ADH4: variants seen among roughly 807,000 people sequenced by gnomAD.
ADH4 encodes all-trans-retinol dehydrogenase [NAD(+)] ADH4.
In ADH4, 31 loss-of-function variants were observed where a neutral mutation model predicts 35.2. The observed-to-expected ratio is 0.88, with a 90% CI of 0.66 to 1.19. The LOEUF (loss-of-function observed/expected upper bound fraction) is 1.19, where lower values mean the gene tolerates loss of function less well. Among genes scored for constraint, ADH4 ranks in the 50% most tolerant of loss-of-function variants. The pLI, the probability that ADH4 is intolerant of heterozygous loss-of-function variation, is 0.00. For missense variants in ADH4, 476 were observed against 458.3 expected (o/e 1.04, Z -0.35); for synonymous variants, 171 against 160.2 (o/e 1.07, Z -0.51).
chr4:99,132,282 A>G (rs1729305202), intron 5 of ADH4, among the ~76,000 whole-genome samples: 1 of 152,168 alleles, frequency 6.6e-6, no homozygotes, highest in Non-Finnish European at 1.5e-5. Flanking sequence ...TGATATTCCC[A>G]GTACAAGAAC....
intron 2 of ADH4, among the ~76,000 whole-genome samples, chr4:99,142,268 C>T (rs182085255): frequency 1.2e-3 from 183 of 152,314 alleles, no homozygotes; most frequent in African/African-American, 4.3e-3. Context: ...TCTGGATACC[C>T]AGGACCCTTC....
In ADH4 at chr4:99,128,606, AAAT is replaced by A. The variant is rs550513515; in HGVS notation, c.844-1265_844-1263del. Among the ~76,000 whole-genome samples the A allele has an allele frequency of 2.6e-3, 403 of 152,302 alleles. 5 individuals carry two copies. The highest frequency in any genetic ancestry group is 2.3e-3 in the Non-Finnish European group (158 of 68,018). On this transcript the variant is annotated intron_variant, in intron 6 of 8. Transcript: ENST00000265512. ...TAAAATCTGAAAATTATTTTAAATT[AAAT>A]AATAAATGCTGGATATGTGAGTCAT...
In ADH4 at chr4:99,142,681, G is replaced by T; in HGVS notation, c.118C>A (p.Gln40Lys). ...ACCCAAGGAAAGTCTCCACTTACCT[G>T]AATGCGAACTTCATGAGCCTTGGGG... ...APPKAHEVRI[Q>K]IIATSLCHTD... The change falls in exon 2 of 9, where the codon CAG becomes AAG. Residue 40 changes from glutamine to lysine, a missense_variant and splice_region_variant. Coordinates refer to ENST00000265512, the MANE Select transcript of ADH4 (RefSeq NM_000670.5). The T allele has an allele frequency of 1.3e-6, 2 of 1,570,048 alleles. No individual in the cohort carries two copies. Among genetic ancestry groups the T allele is most frequent in the Non-Finnish European group, 1.7e-6 (2 of 1,162,476 alleles).
At chr4:99,134,591 A>G (rs1402214200) in intron 5 of ADH4, among the ~76,000 whole-genome samples, 2 of 152,058 alleles carry the variant, frequency 1.3e-5, no homozygotes, top group South Asian at 2.1e-4. Context: ...CTCTAGCGCC[A>G]TACAGCAGAA....
Position 99,123,737 on chromosome 4 carries a change from T to G in ADH4, c.*705A>C, listed in dbSNP as rs1201113181. 6.6e-6 allele frequency: 1 copy of G among 152,126 alleles called. No individual in the cohort carries two copies. Among genetic ancestry groups the G allele is most frequent in the African/African-American group, 2.4e-5 (1 of 41,420 alleles). The allele number at this position is 152,126 out of a possible 1,614,324, so 9.4% of individuals were successfully genotyped here. ...CTTTTAGTCATATTAAAATATACAA[T>G]TAAATTGCTGTTGACTATAGTCTCC... On this transcript the variant is annotated 3_prime_UTR_variant, in exon 9 of 9. Coordinates refer to ENST00000265512, the MANE Select transcript of ADH4 (RefSeq NM_000670.5).
chr4:99,134,700 A>T (rs1729383830), intron 5 of ADH4, among the ~76,000 whole-genome samples: 1 of 151,884 alleles, frequency 6.6e-6, no homozygotes, highest in African/African-American at 2.4e-5. Context: ...AATTTTTTAA[A>T]TTTTTTATTA....
At chr4:99,137,588 T>C (rs955606250) in intron 4 of ADH4, among the ~76,000 whole-genome samples, 5 of 152,312 alleles carry the variant, frequency 3.3e-5, no homozygotes, top group African/African-American at 1.2e-4. Context: ...TTGAATGCTT[T>C]TGTGTACCAG....
chr4:99,131,421 T>C, intron 6 of ADH4, 83 bp downstream of exon 6: 1 of 1,453,774 alleles, frequency 6.9e-7, no homozygotes, highest in Non-Finnish European at 9.3e-7. Context: ...CTAAGTACCA[T>C]AATAAACATA....
At position 99,144,231 on chromosome 4, in the gene ADH4, G is replaced by A; in HGVS notation, c.-9C>T. On this transcript the variant is annotated 5_prime_UTR_variant, in exon 1 of 9. Coordinates refer to ENST00000265512, the MANE Select transcript of ADH4 (RefSeq NM_000670.5). The stretch of plus-strand genomic sequence containing the variant: ...TTGCCCTTGGTGCCCATTTTTCTTT[G>A]GGAAACTGTGTTGGAAGTTTCTTTC... 6.2e-7 allele frequency: 1 copy of A among 1,613,106 alleles called. No homozygotes were observed. Among genetic ancestry groups the A allele is most frequent in the South Asian group, 1.1e-5 (1 of 91,052 alleles).
chr4:99,141,452 T>C (rs1279101824), intron 3 of ADH4, 89 bp downstream of exon 3: 87 of 1,294,556 alleles, frequency 6.7e-5, no homozygotes, highest in Non-Finnish European at 2.0e-5. Flanking sequence ...TAAATAGAGA[T>C]CAATTATAGC....
rs768337448 is a variant in ADH4, at chr4:99,127,251, C to G, written c.937G>C (p.Glu313Gln). The G allele has an allele frequency of 6.2e-7, 1 of 1,611,430 alleles. No individual in the cohort carries two copies. Among genetic ancestry groups the G allele is most frequent in the South Asian group, 1.1e-5 (1 of 90,738 alleles). Residue 313 changes from glutamate to glutamine, a missense_variant, in exon 7 of 9, where the codon GAG becomes CAG. Coordinates refer to ENST00000265512, the MANE Select transcript of ADH4 (RefSeq NM_000670.5). ...GSKGLTIFPE[E>Q]LIIGRTINGT... is the part of the protein sequence containing the mutation. ...TTTATAGTACGGCCGATTATTAGCT[C>G]CTCTGGAAAAATAGTCAATCCTTTG...
rs909492846 is a variant in ADH4 at position 99,143,130 on chromosome 4, T to G, written c.19-350A>C. ...ATAAGGTAGATGGCCTATAAAAATC[T>G]ATTGAGTGAACTGTTTGAAATCACC... On this transcript the variant is annotated intron_variant, in intron 1 of 8. Coordinates refer to ENST00000265512, the MANE Select transcript of ADH4 (RefSeq NM_000670.5). 4.3e-5 allele frequency: 30 copies of G among 701,472 alleles called. No homozygotes were observed. The African/African-American group carries it at 5.1e-4, about 12-fold the overall frequency. The allele number at this position is 701,472 out of a possible 1,614,324, so 43.5% of individuals were successfully genotyped here. A position where few individuals can be genotyped will look rare whatever the true frequency, so the allele number is the denominator to read the frequency against.
chr4:99,140,232 A>G (rs534514888), intron 3 of ADH4, among the ~76,000 whole-genome samples: 1 of 152,338 alleles, frequency 6.6e-6, no homozygotes, highest in African/African-American at 2.4e-5. Context: ...TAATATTAAA[A>G]TAGTTTGCTT....
intron 6 of ADH4, among the ~76,000 whole-genome samples, chr4:99,130,750 G>A (rs1193209474): frequency 6.6e-6 from 1 of 151,974 alleles, no homozygotes; most frequent in Non-Finnish European, 1.5e-5. Context: ...AATATCCTGG[G>A]TTTGGCCCAT....
intron 4 of ADH4, among the ~76,000 whole-genome samples, chr4:99,137,695 C>G (rs1729490779): frequency 6.6e-6 from 1 of 152,156 alleles, no homozygotes; most frequent in East Asian, 1.9e-4. Context: ...GCATAATGAA[C>G]CCTTATGTGT....
At chr4:99,133,815 A>G (rs1280063575) in intron 5 of ADH4, 1 of 152,246 alleles carries the variant, frequency 6.6e-6, no homozygotes, top group African/African-American at 2.4e-5. Flanking sequence ...GGTAAGTTTA[A>G]TACATTCTAA....
At position 99,137,221 on chromosome 4, in the gene ADH4, G is replaced by A. The variant is rs1262333968; in HGVS notation, c.351-524C>T. ...CAGCTCAATGCAACCTCCGCCTCCTGGGTTCAAGGAACTCTCCTGCCTCAG... is the reference window on the plus strand; with the variant it reads ...CAGCTCAATGCAACCTCCGCCTCCTAGGTTCAAGGAACTCTCCTGCCTCAG... On this transcript the variant is annotated intron_variant, in intron 4 of 8. Coordinates refer to ENST00000265512, the MANE Select transcript of ADH4 (RefSeq NM_000670.5). 3.3e-5 allele frequency among the ~76,000 whole-genome samples: 5 copies of A among 151,666 alleles called. 1 individual carries two copies. The highest frequency in any genetic ancestry group is 7.4e-5 in the Non-Finnish European group (5 of 67,906).
chr4:99,125,017 T>A (rs1194499634), intron 8 of ADH4, among the ~76,000 whole-genome samples: 1 of 152,194 alleles, frequency 6.6e-6, no homozygotes, highest in Admixed American at 6.5e-5. Context: ...TATGCATAAA[T>A]GTTTTCTTCA....
chr4:99,134,190 T>TA (rs1729367649), intron 5 of ADH4, among the ~76,000 whole-genome samples: 1 of 152,142 alleles, frequency 6.6e-6, no homozygotes, highest in African/African-American at 2.4e-5. Context: ...GGTCAAAGGT[T>TA]ACAAAATTTC....
Sources: gnomAD v4.1 joint callset for allele counts (sites outside exome capture counted in the v4.1 genomes callset) on GRCh38, gnomAD v4.1.1 for gene constraint, MANE v1.5 for transcripts, NCBI Gene and HGNC (gene_info 2026-07-23, HGNC 2026-07-21) for gene names.